Variants in FAM216A observed in about 807,000 individuals in gnomAD.
FAM216A encodes the protein protein FAM216A.
Under a neutral mutation model 37.6 loss-of-function variants are expected in FAM216A, and 26 were observed. That is an observed-to-expected ratio of 0.69 (90% CI 0.51 to 0.96). The LOEUF (loss-of-function observed/expected upper bound fraction) is 0.96. Ranked by LOEUF, FAM216A falls within the 40% of genes least tolerant of loss-of-function variation. The probability of loss-of-function intolerance (pLI) is 0.00; values close to 1 mark genes in which losing one functional copy is unlikely to be tolerated. For synonymous variants in FAM216A, 110 were observed against 121.7 expected, an observed-to-expected ratio of 0.90 and a Z score of 0.64; for missense variants, 326 against 339.3, an observed-to-expected ratio of 0.96 and a Z score of 0.31.
chr12:110,486,111 G>A (rs2062775210), intron 3 of FAM216A, among the ~76,000 whole-genome samples: 1 of 152,146 alleles, frequency 6.6e-6, no homozygotes, highest in Non-Finnish European at 1.5e-5. Flanking sequence ...CGACTTCAAA[G>A]GGCATCTGAA....
chr12:110,489,215 G>A lies in FAM216A; in HGVS notation c.704-804G>A, dbSNP rs555434902. ...GAAGTAGGGAGGTGGGTAAGAAGTA[G>A]GGAAGTTGGCCAGGCGCAGTGGCTC... On this transcript the variant is annotated intron_variant, in intron 6 of 6. Transcript: ENST00000377673. Among the ~76,000 whole-genome samples the A allele has an allele frequency of 1.4e-4, 21 of 152,224 alleles. No homozygotes were observed. In the South Asian group the frequency reaches 1.9e-3, roughly 14 times the overall value.
intron 2 of FAM216A, among the ~76,000 whole-genome samples, chr12:110,476,350 C>T (rs1040061018): frequency 6.6e-6 from 1 of 151,852 alleles, no homozygotes; most frequent in Admixed American, 6.6e-5. Flanking sequence ...CAGTCGCCCA[C>T]CACCACGCCC....
At chr12:110,482,991 G>T (rs2062756242) in intron 2 of FAM216A, among the ~76,000 whole-genome samples, 1 of 151,988 alleles carries the variant, frequency 6.6e-6, no homozygotes, top group African/African-American at 2.4e-5. Context: ...GTTGCCTGGA[G>T]AAGGGAGTGT....
intron 1 of FAM216A, among the ~76,000 whole-genome samples, chr12:110,472,798 A>G (rs559834211): frequency 9.2e-5 from 14 of 151,856 alleles, no homozygotes; most frequent in African/African-American, 3.4e-4. Flanking sequence ...CAGCCTGGCC[A>G]ATATGGTGAA....
intron 1 of FAM216A, among the ~76,000 whole-genome samples, chr12:110,470,492 T>TA (rs1463641593): frequency 2.9e-4 from 42 of 147,120 alleles, no homozygotes; most frequent in African/African-American, 1.1e-3. Flanking sequence ...TTTTTTTTTT[T>TA]ATTGAGACAG....
At chr12:110,488,382 G>A (rs2062788326) in intron 6 of FAM216A, among the ~76,000 whole-genome samples, 3 of 145,294 alleles carry the variant, frequency 2.1e-5, no homozygotes, top group Non-Finnish European at 4.5e-5. Context: ...CTGTACTCCA[G>A]CCTGGGTGAC....
chr12:110,490,096 A>G lies in FAM216A; in HGVS notation c.781A>G (p.Met261Val). Residue 261 changes from methionine to valine, a missense_variant, in exon 7 of 7, where the codon ATG (methionine) becomes GTG (valine). Met to Val is a conservative substitution (Grantham distance 21). Coordinates refer to ENST00000377673, the MANE Select transcript of FAM216A (RefSeq NM_013300.3). ...TTTACTAAATAATTTTATGCAATCAATGTCAATTGAAGAACAGGGAGAACA... is the reference window on the plus strand; with the variant it reads ...TTTACTAAATAATTTTATGCAATCAGTGTCAATTGAAGAACAGGGAGAACA... ...EDLLNNFMQS[M>V]SIEEQGEHLM... 6.4e-7 allele frequency: 1 copy of G among 1,573,960 alleles called. No individual in the cohort carries two copies. Among genetic ancestry groups the G allele is most frequent in the Non-Finnish European group, 8.7e-7 (1 of 1,143,406 alleles).
upstream of FAM216A, chr12:110,468,702 C>T (rs1235550508): frequency 1.3e-6 from 2 of 1,518,600 alleles, no homozygotes; most frequent in East Asian, 4.9e-5. Context: ...GCTCAGCGAC[C>T]GCAGCGCTCC....
rs1416236108 is a variant in FAM216A, at chr12:110,486,717, G to A, written c.620G>A (p.Gly207Glu). The change falls in exon 5 of 7, where the codon GGG becomes GAG. Residue 207 changes from glycine to glutamate, a missense_variant and splice_region_variant. By Grantham distance (98) the Gly-to-Glu change is moderately conservative. Coordinates refer to ENST00000377673, the MANE Select transcript of FAM216A (RefSeq NM_013300.3). The stretch of plus-strand genomic sequence containing the variant: ...TGGCGGCCAGTGAGAAACAAAGAAG[G>A]GTCTGTTTCTTAGTGTAAAAGGGGG... ...SLWRPVRNKE[G>E]IKTGYASKTR... is the part of the protein sequence containing the mutation. 3 of 1,610,406 alleles carry A rather than the reference G, an allele frequency of 1.9e-6. No individual in the cohort carries two copies. The African/African-American group carries it at 4.0e-5, about 22-fold the overall frequency.
chr12:110,472,438 G>A (rs1181974084), intron 1 of FAM216A, among the ~76,000 whole-genome samples: 2 of 151,916 alleles, frequency 1.3e-5, no homozygotes, highest in East Asian at 1.9e-4. Context: ...TTAGCCAGGC[G>A]TTTTGGTGGT....
At chr12:110,474,830 C>T (rs548283928) in intron 2 of FAM216A, among the ~76,000 whole-genome samples, 11 of 151,710 alleles carry the variant, frequency 7.3e-5, no homozygotes, top group South Asian at 4.2e-4. Context: ...AGAGAAACCC[C>T]GTCTCTACTA....
At chr12:110,468,548 T>C, upstream of FAM216A, 1 of 1,537,244 alleles carries the variant, frequency 6.5e-7, no homozygotes, top group Non-Finnish European at 8.7e-7. Flanking sequence ...CGTGCAGACG[T>C]TTGACCTGTA....
At chr12:110,487,613 T>C (rs1173603914) in intron 5 of FAM216A, 1 of 380,800 alleles carries the variant, frequency 2.6e-6, no homozygotes, top group Non-Finnish European at 4.7e-6. Context: ...AGGAGAAGAA[T>C]ATGGTTGGTT....
intron 3 of FAM216A, 77 bp from the exon 4 acceptor site, chr12:110,486,248 T>TC (rs2062775849): frequency 7.1e-7 from 1 of 1,410,986 alleles, no homozygotes; most frequent in South Asian, 1.5e-5. Flanking sequence ...TCTTGAACAT[T>TC]CATCTCTTCA....
At chr12:110,485,889 T>C (rs1341162150) in intron 3 of FAM216A, among the ~76,000 whole-genome samples, 1 of 152,200 alleles carries the variant, frequency 6.6e-6, no homozygotes, top group Non-Finnish European at 1.5e-5. Flanking sequence ...CCTCAGAATG[T>C]CCAACACAGT....
At chr12:110,483,971 C>A (rs141552219) in intron 2 of FAM216A, among the ~76,000 whole-genome samples, 1 of 151,776 alleles carries the variant, frequency 6.6e-6, no homozygotes, top group Non-Finnish European at 1.5e-5. Flanking sequence ...ATTTTAAGGC[C>A]GAGTGCAGTG....
At chr12:110,488,454 T>A (rs147431355) in intron 6 of FAM216A, among the ~76,000 whole-genome samples, 2,942 of 150,458 alleles carry the variant, frequency 0.02, 41 homozygotes, top group Middle Eastern at 0.082. Flanking sequence ...AAGAACATAC[T>A]GCTCAAAAGA....
chr12:110,486,599 A>ACT lies in FAM216A; in HGVS notation c.503_504dup (p.Thr169LeufsTer35), dbSNP rs763562740. The ACT allele has an allele frequency of 2.3e-5, 37 of 1,614,172 alleles. No individual in the cohort carries two copies. In the African/African-American group the frequency reaches 4.7e-4, roughly 20 times the overall value. On this transcript the variant is annotated frameshift_variant, in exon 5 of 7. Coordinates refer to ENST00000377673, the MANE Select transcript of FAM216A (RefSeq NM_013300.3). LOFTEE classifies it high-confidence loss of function. Reference sequence around the variant, plus strand: ...CTCACAGAAACAGCATTACCCTTGCACTACATGGCGACATCAACTGGAGAG... The same window carrying ACT: ...CTCACAGAAACAGCATTACCCTTGCACTCTACATGGCGACATCAACTGGAGAG...
chr12:110,484,218 G>A (rs2062763298), intron 2 of FAM216A, among the ~76,000 whole-genome samples: 1 of 151,934 alleles, frequency 6.6e-6, no homozygotes, highest in Non-Finnish European at 1.5e-5. Flanking sequence ...ATGAGGTCAG[G>A]AGATCGAGAC....
Sources: gnomAD v4.1 joint callset for allele counts (sites outside exome capture counted in the v4.1 genomes callset) on GRCh38, gnomAD v4.1.1 for gene constraint, MANE v1.5 for transcripts, NCBI Gene and HGNC (gene_info 2026-07-23, HGNC 2026-07-21) for gene names.